TFDP2: variants seen among roughly 807,000 people sequenced by gnomAD.
The protein encoded by TFDP2 is transcription factor Dp-2, also known as transcription factor Dp-2 (E2F dimerization partner 2).
TFDP2 carries 17 observed loss-of-function variants against 59.3 expected under a neutral mutation model. The observed-to-expected ratio is 0.29, with a 90% CI of 0.20 to 0.43. TFDP2 has a LOEUF of 0.43. Ranked by LOEUF, TFDP2 falls within the 20% of genes least tolerant of loss-of-function variation. The pLI, the probability that TFDP2 is intolerant of heterozygous loss-of-function variation, is 1.00. For synonymous variants in TFDP2, 180 were observed against 194.7 expected (o/e 0.92, Z 0.63); for missense variants, 391 against 528.8 (o/e 0.74, Z 2.56).
chr3:142,116,874 T>G (rs1429102708), intron 1 of TFDP2, among the ~76,000 whole-genome samples: 1 of 152,200 alleles, frequency 6.6e-6, no homozygotes, highest in South Asian at 2.1e-4. Context: ...AATTTTACTG[T>G]AAGTTCAGTT....
At chr3:142,139,530 C>G (rs918210139) in intron 1 of TFDP2, among the ~76,000 whole-genome samples, 2 of 152,146 alleles carry the variant, frequency 1.3e-5, no homozygotes, top group Non-Finnish European at 2.9e-5. Flanking sequence ...ACGTTTAGCA[C>G]TTCCTTCAGG....
intron 9 of TFDP2, among the ~76,000 whole-genome samples, chr3:141,968,287 A>G (rs1401833884): frequency 2.3e-5 from 3 of 129,410 alleles, no homozygotes; most frequent in African/African-American, 9.0e-5. Flanking sequence ...ATATATAACA[A>G]TATATATAAT....
chr3:142,045,155 T>C (rs1947265780), intron 3 of TFDP2, among the ~76,000 whole-genome samples: 1 of 121,958 alleles, frequency 8.2e-6, no homozygotes, highest in African/African-American at 2.7e-5. Flanking sequence ...ATCTCTTTCC[T>C]TTTTTTTTTT....
chr3:142,078,152 A>G (rs2060527492), intron 3 of TFDP2, among the ~76,000 whole-genome samples: 1 of 152,172 alleles, frequency 6.6e-6, no homozygotes, highest in Non-Finnish European at 1.5e-5. Context: ...TGCCAGCTCA[A>G]CCATAGCAGA....
intron 3 of TFDP2, among the ~76,000 whole-genome samples, chr3:142,010,323 C>T (rs944610461): frequency 1.3e-5 from 2 of 152,044 alleles, no homozygotes; most frequent in African/African-American, 4.8e-5. Flanking sequence ...AAAAAACTAA[C>T]TTTTGGGCCG....
intron 3 of TFDP2, among the ~76,000 whole-genome samples, chr3:142,009,134 T>A (rs1476849867): frequency 6.6e-6 from 1 of 152,184 alleles, no homozygotes; most frequent in Non-Finnish European, 1.5e-5. Context: ...CAGCTTTGTA[T>A]CCCAGCATCT....
At chr3:142,066,028 C>G (rs746180209) in intron 3 of TFDP2, among the ~76,000 whole-genome samples, 1 of 152,154 alleles carries the variant, frequency 6.6e-6, no homozygotes, top group Non-Finnish European at 1.5e-5. Flanking sequence ...TACCAATTCT[C>G]TACTCTTTTC....
intron 1 of TFDP2, among the ~76,000 whole-genome samples, chr3:142,147,146 T>C (rs2063210101): frequency 6.6e-6 from 1 of 151,840 alleles, no homozygotes; most frequent in Non-Finnish European, 1.5e-5. Context: ...TATACAAATA[T>C]GCATAATTTT....
chr3:142,023,967 ATTTTTGTAT>A (rs1273628394), intron 3 of TFDP2, among the ~76,000 whole-genome samples: 5 of 151,842 alleles, frequency 3.3e-5, no homozygotes, highest in African/African-American at 1.2e-4. Context: ...TGCCCAGTTA[ATTTTTGTAT>A]TTTTTGTAGA....
chr3:142,043,688 G>A, intron 3 of TFDP2: 1 of 1,065,092 alleles, frequency 9.4e-7, no homozygotes, highest in South Asian at 1.2e-5. Flanking sequence ...GCCTGCAGGC[G>A]TTCTTCACCG....
intron 3 of TFDP2, among the ~76,000 whole-genome samples, chr3:142,019,774 TTAA>T (rs533847808): frequency 0.015 from 2,281 of 152,300 alleles, 48 homozygotes; most frequent in Non-Finnish European, 0.016. Flanking sequence ...TTAGCCACTT[TTAA>T]TGAATAATCC....
At chr3:141,966,265 C>T (rs1347899188) in intron 9 of TFDP2, among the ~76,000 whole-genome samples, 1 of 151,828 alleles carries the variant, frequency 6.6e-6, no homozygotes, top group African/African-American at 2.4e-5. Context: ...CTCCGCCTCC[C>T]AGGTTCAAAT....
intron 7 of TFDP2, 111 bp from the exon 8 acceptor site, chr3:141,974,302 T>C: frequency 3.1e-6 from 3 of 954,126 alleles, no homozygotes; most frequent in Non-Finnish European, 4.3e-6. Flanking sequence ...AAGGATTCTA[T>C]TTTTTTATTT....
intron 3 of TFDP2, among the ~76,000 whole-genome samples, chr3:142,008,210 T>C (rs149660797): frequency 1.3e-5 from 2 of 152,040 alleles, no homozygotes; most frequent in East Asian, 3.9e-4. Context: ...CTCCAGACAG[T>C]TCCAATGTGC....
chr3:142,111,621 C>T (rs1050078487), intron 1 of TFDP2, among the ~76,000 whole-genome samples: 19 of 151,864 alleles, frequency 1.3e-4, no homozygotes, highest in African/African-American at 3.4e-4. Context: ...AAAACAGCAC[C>T]GGAAAGATCA....
intron 3 of TFDP2, among the ~76,000 whole-genome samples, chr3:142,021,838 A>G (rs1326450589): frequency 6.6e-6 from 1 of 152,188 alleles, no homozygotes; most frequent in Non-Finnish European, 1.5e-5. Context: ...AGAAATCACT[A>G]AGGTCACTTG....
intron 6 of TFDP2, among the ~76,000 whole-genome samples, chr3:141,992,704 G>A (rs1295497314): frequency 2.0e-5 from 3 of 152,174 alleles, no homozygotes; most frequent in African/African-American, 7.2e-5. Flanking sequence ...CCAAGGAACT[G>A]AAACAGCACT....
At chr3:142,015,698 T>A (rs943777080) in intron 3 of TFDP2, among the ~76,000 whole-genome samples, 1 of 152,174 alleles carries the variant, frequency 6.6e-6, no homozygotes, top group African/African-American at 2.4e-5. Context: ...ATTTCCATGC[T>A]CTCTAATACA....
intron 3 of TFDP2, among the ~76,000 whole-genome samples, chr3:142,087,343 G>A (rs2060834975): frequency 1.3e-5 from 2 of 152,004 alleles, no homozygotes; most frequent in African/African-American, 4.8e-5. Context: ...TGTAACACAT[G>A]GTAAGTATTT....
Sources: gnomAD v4.1 joint callset for allele counts (sites outside exome capture counted in the v4.1 genomes callset) on GRCh38, gnomAD v4.1.1 for gene constraint, MANE v1.5 for transcripts, NCBI Gene and HGNC (gene_info 2026-07-23, HGNC 2026-07-21) for gene names.